CDYL2: variants seen among roughly 807,000 people sequenced by gnomAD.
The protein encoded by CDYL2 is chromodomain Y like 2.
Under a neutral mutation model 49.4 loss-of-function variants are expected in CDYL2, and 23 were observed. That is an observed-to-expected ratio of 0.47 (90% CI 0.34 to 0.66). CDYL2 has a LOEUF of 0.66. Ranked by LOEUF, CDYL2 falls within the 30% of genes least tolerant of loss-of-function variation. The pLI is 0.01. For missense variants in CDYL2, 678 were observed against 656.4 expected, an observed-to-expected ratio of 1.03 and a Z score of -0.36; for synonymous variants, 360 against 268.8, an observed-to-expected ratio of 1.34 and a Z score of -3.32.
At chr16:80,767,968 C>T (rs1397635539) in intron 1 of CDYL2, among the ~76,000 whole-genome samples, 1 of 152,176 alleles carries the variant, frequency 6.6e-6, no homozygotes, top group Non-Finnish European at 1.5e-5. Flanking sequence ...TGTATGAATA[C>T]TGAGCTCTTA....
intron 2 of CDYL2, among the ~76,000 whole-genome samples, chr16:80,672,093 G>C (rs117082319): frequency 0.018 from 2,777 of 152,208 alleles, 34 homozygotes; most frequent in Non-Finnish European, 0.028. Context: ...ATGCTCCAAT[G>C]AGCATTTCCT....
intron 2 of CDYL2, among the ~76,000 whole-genome samples, chr16:80,658,478 G>T (rs1181467127): frequency 6.6e-6 from 1 of 152,074 alleles, no homozygotes; most frequent in Non-Finnish European, 1.5e-5. Context: ...TTTCACTGTG[G>T]TAAGAATGGA....
intron 1 of CDYL2, among the ~76,000 whole-genome samples, chr16:80,801,557 TAAGAA>T (rs1249514041): frequency 1.3e-5 from 2 of 152,222 alleles, no homozygotes; most frequent in African/African-American, 2.4e-5. Flanking sequence ...ATTACAAACG[TAAGAA>T]CTCTTGGCCC....
intron 1 of CDYL2, among the ~76,000 whole-genome samples, chr16:80,802,169 A>T (rs1907945949): frequency 6.6e-6 from 1 of 152,222 alleles, no homozygotes; most frequent in Non-Finnish European, 1.5e-5. Flanking sequence ...GCAGATGAAC[A>T]TTAAACAAGA....
At chr16:80,671,862 G>C (rs1909523265) in intron 2 of CDYL2, among the ~76,000 whole-genome samples, 1 of 152,074 alleles carries the variant, frequency 6.6e-6, no homozygotes, top group South Asian at 2.1e-4. Flanking sequence ...ATCTAGTCTA[G>C]AAAAATAGTC....
At chr16:80,649,298 C>G (rs906143679) in intron 2 of CDYL2, among the ~76,000 whole-genome samples, 1 of 152,094 alleles carries the variant, frequency 6.6e-6, no homozygotes, top group Admixed American at 6.5e-5. Context: ...TTGCAAGATA[C>G]AAGACCAACA....
At chr16:80,750,445 C>A (rs1204398859) in intron 1 of CDYL2, among the ~76,000 whole-genome samples, 1 of 147,488 alleles carries the variant, frequency 6.8e-6, no homozygotes, top group African/African-American at 2.5e-5. Flanking sequence ...AAAAAACAAA[C>A]CCAGAGAGAG....
chr16:80,621,986 T>G (rs12448290), intron 3 of CDYL2, among the ~76,000 whole-genome samples: 64,850 of 151,980 alleles, frequency 0.43, 16,504 homozygotes, highest in African/African-American at 0.72. Context: ...CAGTGAGTGG[T>G]CACTATTCTT....
chr16:80,770,093 T>C (rs13331075), intron 1 of CDYL2, among the ~76,000 whole-genome samples: 8,942 of 151,866 alleles, frequency 0.059, 332 homozygotes, highest in African/African-American at 0.098. Context: ...GTTAAAACAA[T>C]TGTCTGAGAA....
At chr16:80,636,969 C>T (rs893404570) in intron 2 of CDYL2, among the ~76,000 whole-genome samples, 14 of 152,084 alleles carry the variant, frequency 9.2e-5, no homozygotes, top group African/African-American at 1.2e-4. Flanking sequence ...CGCCAAGCAC[C>T]GCATATTCTC....
chr16:80,695,936 C>G (rs1257955214), intron 1 of CDYL2, among the ~76,000 whole-genome samples: 1 of 152,218 alleles, frequency 6.6e-6, no homozygotes, highest in African/African-American at 2.4e-5. Context: ...CAATCAACTG[C>G]TGCAGAACGC....
intron 2 of CDYL2, among the ~76,000 whole-genome samples, chr16:80,659,163 C>G (rs896998541): frequency 5.3e-5 from 8 of 152,070 alleles, no homozygotes; most frequent in African/African-American, 1.9e-4. Flanking sequence ...ATCATATCAG[C>G]TAGTTCAGTG....
At chr16:80,676,061 T>G (rs1434469983) in intron 2 of CDYL2, among the ~76,000 whole-genome samples, 1 of 151,952 alleles carries the variant, frequency 6.6e-6, no homozygotes, top group East Asian at 1.9e-4. Flanking sequence ...GATTCTCCCC[T>G]TGGATCTGCC....
intron 1 of CDYL2, among the ~76,000 whole-genome samples, chr16:80,747,595 C>T (rs1473094981): frequency 6.6e-6 from 1 of 152,114 alleles, no homozygotes; most frequent in Non-Finnish European, 1.5e-5. Flanking sequence ...AATGGGGTGG[C>T]AGCTTCCCCT....
At chr16:80,637,866 C>T (rs1042980435) in intron 2 of CDYL2, among the ~76,000 whole-genome samples, 2 of 152,150 alleles carry the variant, frequency 1.3e-5, no homozygotes, top group African/African-American at 4.8e-5. Context: ...CTAAGCATCA[C>T]ACGTATTCCA....
chr16:80,783,755 G>A (rs1907345648), intron 1 of CDYL2, among the ~76,000 whole-genome samples: 1 of 152,086 alleles, frequency 6.6e-6, no homozygotes, highest in African/African-American at 2.4e-5. Context: ...GCTACAACAT[G>A]GCTGAGCCAC....
intron 1 of CDYL2, among the ~76,000 whole-genome samples, chr16:80,713,076 A>C (rs1488087006): frequency 6.6e-6 from 1 of 152,188 alleles, no homozygotes; most frequent in African/African-American, 2.4e-5. Context: ...AGCCCTGCTT[A>C]CTTATACAAG....
chr16:80,784,527 T>C (rs1486320783), intron 1 of CDYL2, among the ~76,000 whole-genome samples: 3 of 152,050 alleles, frequency 2.0e-5, no homozygotes, highest in South Asian at 2.1e-4. Context: ...TTAGAGAACA[T>C]CCATGAGAGA....
intron 2 of CDYL2, among the ~76,000 whole-genome samples, chr16:80,648,700 A>T (rs1908457455): frequency 6.6e-6 from 1 of 152,028 alleles, no homozygotes; most frequent in Non-Finnish European, 1.5e-5. Context: ...ATAAAAAAAA[A>T]AAAGAAAACT....
Sources: allele counts gnomAD v4.1 joint callset (sites outside exome capture counted in the v4.1 genomes callset), GRCh38; gene constraint gnomAD v4.1.1; transcripts MANE v1.5; gene names NCBI Gene and HGNC (gene_info 2026-07-23, HGNC 2026-07-21).